The following ZNF804B variants were observed in gnomAD, a reference collection of about 807,000 sequenced individuals.
ZNF804B encodes zinc finger protein 804B.
Under a neutral mutation model 101.4 loss-of-function variants are expected in ZNF804B, and 80 were observed. That is an observed-to-expected ratio of 0.79 (90% CI 0.66 to 0.95). The LOEUF is 0.95. Ranked by LOEUF, ZNF804B falls within the 40% of genes least tolerant of loss-of-function variation. The probability of loss-of-function intolerance (pLI) is 0.00; values close to 1 mark genes in which losing one functional copy is unlikely to be tolerated. For missense variants in ZNF804B, 1,673 were observed against 1,561.9 expected, an observed-to-expected ratio of 1.07 and a Z score of -1.20; for synonymous variants, 622 against 558.8, an observed-to-expected ratio of 1.11 and a Z score of -1.59.
intron 1 of ZNF804B, among the ~76,000 whole-genome samples, chr7:88,846,618 C>A (rs1791376800): frequency 6.6e-6 from 1 of 152,096 alleles, no homozygotes; most frequent in Non-Finnish European, 1.5e-5. Flanking sequence ...ATGCTTATTT[C>A]CTAAGGCCCA....
intron 1 of ZNF804B, among the ~76,000 whole-genome samples, chr7:88,937,044 A>T (rs1303129977): frequency 6.7e-6 from 1 of 150,268 alleles, no homozygotes; most frequent in African/African-American, 2.4e-5. Context: ...AAAATAGCAG[A>T]TTAGGCTGTT....
At chr7:88,924,220 G>C (rs1792762892) in intron 1 of ZNF804B, among the ~76,000 whole-genome samples, 1 of 151,988 alleles carries the variant, frequency 6.6e-6, no homozygotes, top group Admixed American at 6.6e-5. Context: ...TCTAAATGCT[G>C]TTAATGATTT....
intron 1 of ZNF804B, among the ~76,000 whole-genome samples, chr7:89,183,357 A>C (rs2115589130): frequency 6.6e-6 from 1 of 152,238 alleles, no homozygotes; most frequent in Admixed American, 6.5e-5. Context: ...TATTCATTTT[A>C]TGGTAATTAT....
intron 1 of ZNF804B, among the ~76,000 whole-genome samples, chr7:89,077,457 C>G (rs1223411460): frequency 1.3e-5 from 2 of 151,890 alleles, no homozygotes; most frequent in South Asian, 4.2e-4. Flanking sequence ...TTAGAGCAAC[C>G]TGTGTTTTGA....
At chr7:89,327,107 TG>T (rs1216167620) in intron 2 of ZNF804B, among the ~76,000 whole-genome samples, 1 of 151,940 alleles carries the variant, frequency 6.6e-6, no homozygotes, top group Non-Finnish European at 1.5e-5. Flanking sequence ...CAGCGAGGCC[TG>T]GGGCCCAGCT....
At chr7:89,123,603 A>G (rs1385073932) in intron 1 of ZNF804B, among the ~76,000 whole-genome samples, 1 of 152,170 alleles carries the variant, frequency 6.6e-6, no homozygotes, top group East Asian at 1.9e-4. Flanking sequence ...ACAAGACACA[A>G]ATATTTAAAA....
At chr7:89,141,426 A>G (rs1030097992) in intron 1 of ZNF804B, among the ~76,000 whole-genome samples, 1 of 151,974 alleles carries the variant, frequency 6.6e-6, no homozygotes, top group African/African-American at 2.4e-5. Flanking sequence ...TTGTTCATAT[A>G]TGTGTGTGTA....
At chr7:89,153,429 G>GATAATAATA (rs58654760) in intron 1 of ZNF804B, among the ~76,000 whole-genome samples, 4,896 of 145,452 alleles carry the variant, frequency 0.034, 94 homozygotes, top group Middle Eastern at 0.086. Context: ...TGATGATGAT[G>GATAATAATA]ATAATAATAA....
At chr7:88,981,351 G>T (rs1793691689) in intron 1 of ZNF804B, among the ~76,000 whole-genome samples, 2 of 152,172 alleles carry the variant, frequency 1.3e-5, no homozygotes, top group South Asian at 4.1e-4. Context: ...CTATTCTACT[G>T]TGGTTGAGCT....
At position 89,336,994 on chromosome 7, in the gene ZNF804B, G is replaced by A; in HGVS notation, c.4012G>A (p.Val1338Met). ...TAGCCAGATGCAACAGCTAAATGAA[G>A]TGAAAGAGGCCTTAAATGTGTCCAC... is the stretch of plus-strand genomic sequence containing the variant. Reference protein sequence around the residue: ...CSSQMQQLNEVKEALNVSTHL... With the variant: ...CSSQMQQLNEMKEALNVSTHL... The change falls in exon 4 of 4, where the codon GTG becomes ATG. Residue 1338 changes from valine (V) to methionine (M), a missense_variant. Val to Met is a conservative substitution (Grantham distance 21). Coordinates refer to ENST00000333190, the MANE Select transcript of ZNF804B (RefSeq NM_181646.5). The A allele has an allele frequency of 6.2e-7, 1 of 1,614,000 alleles. No individual in the cohort carries two copies. Among genetic ancestry groups the A allele is most frequent in the African/African-American group, 1.3e-5 (1 of 75,022 alleles).
intron 2 of ZNF804B, among the ~76,000 whole-genome samples, chr7:89,219,931 G>GTGTGCATATATATGTATATACATATATT (rs1788960931): frequency 6.7e-6 from 1 of 148,972 alleles, no homozygotes; most frequent in African/African-American, 2.5e-5. Context: ...ATACATATAT[G>GTGTGCATATATATGTATATACATATATT]TGTGCATATA....
At chr7:89,202,311 T>C (rs1788653914) in intron 1 of ZNF804B, among the ~76,000 whole-genome samples, 1 of 152,106 alleles carries the variant, frequency 6.6e-6, no homozygotes, top group South Asian at 2.1e-4. Flanking sequence ...TAAAACCAGT[T>C]TTTAGAACTG....
chr7:88,920,782 G>A (rs535236398), intron 1 of ZNF804B, among the ~76,000 whole-genome samples: 3 of 152,044 alleles, frequency 2.0e-5, no homozygotes, highest in East Asian at 1.9e-4. Flanking sequence ...ATTCATCCAT[G>A]CATATATTTA....
At chr7:88,913,124 A>G (rs1792574412) in intron 1 of ZNF804B, among the ~76,000 whole-genome samples, 1 of 152,322 alleles carries the variant, frequency 6.6e-6, no homozygotes, top group Admixed American at 6.5e-5. Context: ...AAAGAGTGAT[A>G]TCTAGTGGGA....
intron 1 of ZNF804B, among the ~76,000 whole-genome samples, chr7:88,904,681 A>T (rs1423438476): frequency 6.6e-6 from 1 of 151,992 alleles, no homozygotes; most frequent in Non-Finnish European, 1.5e-5. Flanking sequence ...GGTTAGCTGT[A>T]TTTCAAGGTA....
At chr7:89,179,516 T>G (rs573629532) in intron 1 of ZNF804B, among the ~76,000 whole-genome samples, 91 of 152,352 alleles carry the variant, frequency 6.0e-4, no homozygotes, top group African/African-American at 2.1e-3. Flanking sequence ...TCTGTTAAAT[T>G]TATCTCATAT....
chr7:88,974,839 T>G (rs1444504412), intron 1 of ZNF804B, among the ~76,000 whole-genome samples: 1 of 151,438 alleles, frequency 6.6e-6, no homozygotes, highest in Non-Finnish European at 1.5e-5. Context: ...AAATTATTGT[T>G]GACGGCAGTC....
At chr7:88,925,162 T>G (rs1015084873) in intron 1 of ZNF804B, among the ~76,000 whole-genome samples, 3 of 152,168 alleles carry the variant, frequency 2.0e-5, no homozygotes, top group African/African-American at 7.2e-5. Flanking sequence ...TTAGCAATAA[T>G]TAGATCTTAG....
chr7:89,056,039 G>A (rs1789289837), intron 1 of ZNF804B, among the ~76,000 whole-genome samples: 1 of 152,120 alleles, frequency 6.6e-6, no homozygotes, highest in Non-Finnish European at 1.5e-5. Flanking sequence ...AAATTCCAAA[G>A]AGACTCTCTC....
Sources: gnomAD v4.1 joint callset for allele counts (sites outside exome capture counted in the v4.1 genomes callset) on GRCh38, gnomAD v4.1.1 for gene constraint, MANE v1.5 for transcripts, NCBI Gene and HGNC (gene_info 2026-07-23, HGNC 2026-07-21) for gene names.